Variants in EDIL3 observed in about 807,000 individuals in gnomAD.
EDIL3 encodes EGF like and discoidin domains 3.
Under a neutral mutation model 67.4 loss-of-function variants are expected in EDIL3, and 37 were observed. The ratio of observed to expected loss-of-function variants is 0.55; its 90% CI spans 0.42 to 0.72. The LOEUF is 0.72. EDIL3 is among the 30% of genes least tolerant of loss of function. The probability of loss-of-function intolerance (pLI) is 0.00; values close to 1 mark genes in which losing one functional copy is unlikely to be tolerated. For synonymous variants in EDIL3, 195 were observed against 196.3 expected (o/e 0.99, Z 0.05); for missense variants, 527 against 586.3 (o/e 0.90, Z 1.04).
intron 4 of EDIL3, among the ~76,000 whole-genome samples, chr5:84,142,002 A>T (rs926423965): frequency 3.1e-5 from 2 of 63,756 alleles, no homozygotes; most frequent in East Asian, 1.1e-3. Context: ...TATCTATCAT[A>T]TTGAGCACTC....
rs1014128628 is a variant in EDIL3, at chr5:84,245,262, A to T, written c.196+8822T>A. 9.2e-5 allele frequency among the ~76,000 whole-genome samples: 14 copies of T among 152,196 alleles called. No homozygotes were observed. The South Asian group carries it at 1.7e-3, about 18-fold the overall frequency. ...TAAAGGAGATATAATCACATTATTT[A>T]AAAAATATATTTGATAGGACAACAA... On this transcript the variant is annotated intron_variant, in intron 2 of 10. Coordinates refer to ENST00000296591, the MANE Select transcript of EDIL3 (RefSeq NM_005711.5).
At chr5:84,035,437 TGG>T (rs1256237045) in intron 9 of EDIL3, among the ~76,000 whole-genome samples, 4 of 152,284 alleles carry the variant, frequency 2.6e-5, no homozygotes, top group Non-Finnish European at 5.9e-5. Context: ...TTAAAAATAA[TGG>T]TGATCCCTTA....
At chr5:84,262,005 T>TA (rs1745231547) in intron 1 of EDIL3, among the ~76,000 whole-genome samples, 1 of 152,314 alleles carries the variant, frequency 6.6e-6, no homozygotes, top group Non-Finnish European at 1.5e-5. Context: ...GTCTACTGGA[T>TA]AAAAAGACAA....
intron 6 of EDIL3, among the ~76,000 whole-genome samples, chr5:84,084,448 A>C (rs1347369050): frequency 6.6e-6 from 1 of 152,198 alleles, no homozygotes; most frequent in East Asian, 1.9e-4. Flanking sequence ...CACTGACTAG[A>C]TTCATTCATA....
chr5:84,273,952 T>G (rs1745524380), intron 1 of EDIL3, among the ~76,000 whole-genome samples: 1 of 152,214 alleles, frequency 6.6e-6, no homozygotes, highest in African/African-American at 2.4e-5. Context: ...CATCTATGCC[T>G]TGTTGTCAAT....
chr5:84,188,080 GC>G (rs937430661), intron 3 of EDIL3, among the ~76,000 whole-genome samples: 1 of 151,510 alleles, frequency 6.6e-6, no homozygotes, highest in African/African-American at 2.4e-5. Flanking sequence ...GAGATTTCCC[GC>G]CCCCCCTTAA....
intron 6 of EDIL3, among the ~76,000 whole-genome samples, chr5:84,091,807 GC>G (rs1401383651): frequency 1.3e-5 from 2 of 152,202 alleles, no homozygotes; most frequent in Non-Finnish European, 2.9e-5. Flanking sequence ...CTTGCAAGAA[GC>G]CCTGATGCAG....
At chr5:84,255,978 C>T (rs1745115018) in intron 1 of EDIL3, among the ~76,000 whole-genome samples, 1 of 152,124 alleles carries the variant, frequency 6.6e-6, no homozygotes, top group Non-Finnish European at 1.5e-5. Flanking sequence ...GAGTGTCTAA[C>T]ATTTTTAACA....
chr5:84,032,925 G>A (rs1745954765), intron 9 of EDIL3, among the ~76,000 whole-genome samples: 3 of 152,186 alleles, frequency 2.0e-5, no homozygotes, highest in African/African-American at 7.2e-5. Flanking sequence ...ATCCAACAGT[G>A]CTCAGGGACT....
intron 6 of EDIL3, among the ~76,000 whole-genome samples, chr5:84,089,306 AT>A (rs140758735): frequency 2.0e-3 from 297 of 152,290 alleles, no homozygotes; most frequent in African/African-American, 7.0e-3. Flanking sequence ...CCTTATCAGG[AT>A]TTTTCTCCAA....
chr5:83,977,159 A>G (rs796198641), intron 9 of EDIL3, among the ~76,000 whole-genome samples: 13 of 151,990 alleles, frequency 8.6e-5, no homozygotes, highest in African/African-American at 3.1e-4. Flanking sequence ...ACAAGATAAG[A>G]ACAATTTTCA....
chr5:84,011,915 C>T (rs1370803229), intron 9 of EDIL3, among the ~76,000 whole-genome samples: 1 of 152,110 alleles, frequency 6.6e-6, no homozygotes, highest in African/African-American at 2.4e-5. Context: ...CTTTATGGCA[C>T]TTTTCACTAC....
chr5:83,948,556 T>G (rs1744354439), intron 10 of EDIL3, among the ~76,000 whole-genome samples: 1 of 151,718 alleles, frequency 6.6e-6, no homozygotes, highest in African/African-American at 2.4e-5. Context: ...CTAAAATTTA[T>G]GTTCTACTTT....
intron 9 of EDIL3, among the ~76,000 whole-genome samples, chr5:83,963,872 T>C (rs1482178433): frequency 1.3e-5 from 2 of 151,862 alleles, no homozygotes; most frequent in African/African-American, 4.8e-5. Context: ...CCTGTTTCCA[T>C]AAATTTTAAT....
rs941386943 is a variant in EDIL3, at chr5:84,188,856, C to T, written c.227-8335G>A. ...ACCAAATCTCCAGAGCCTCCAGAACCGTGAGAAAACAAATTTCTGTTGTTT... is the reference window on the plus strand; with the variant it reads ...ACCAAATCTCCAGAGCCTCCAGAACTGTGAGAAAACAAATTTCTGTTGTTT... On this transcript the variant is annotated intron_variant, in intron 3 of 10. Transcript: ENST00000296591. Among the ~76,000 whole-genome samples the T allele has an allele frequency of 1.2e-4, 19 of 152,040 alleles. No homozygotes were observed. In the East Asian group the frequency reaches 1.7e-3, roughly 14 times the overall value.
chr5:84,361,476 TATG>T (rs1423940652), intron 1 of EDIL3, among the ~76,000 whole-genome samples: 1 of 152,196 alleles, frequency 6.6e-6, no homozygotes, highest in East Asian at 1.9e-4. Flanking sequence ...TCAAAAAGAA[TATG>T]ATGATCATAG....
intron 2 of EDIL3, among the ~76,000 whole-genome samples, chr5:84,242,816 C>G (rs555593559): frequency 1.2e-5 from 1 of 85,918 alleles, no homozygotes; most frequent in African/African-American, 4.5e-5. Context: ...AAAAAAACTT[C>G]CAAAGAAATA....
Position 84,066,617 on chromosome 5 carries a change from G to A in EDIL3, c.652-11C>T, listed in dbSNP as rs577280814. 296 of 1,610,022 alleles carry A rather than the reference G, an allele frequency of 1.8e-4. No homozygotes were observed. The Admixed American group carries it at 3.0e-3, about 16-fold the overall frequency. On this transcript the variant is annotated splice_polypyrimidine_tract_variant and intron_variant, in intron 6 of 10. Coordinates refer to ENST00000296591, the MANE Select transcript of EDIL3 (RefSeq NM_005711.5). ...CCTTTGCAAATTTATCTGAAAAGACGAGCACAACCAACAATAATCTTATTG... is the reference window on the plus strand; with the variant it reads ...CCTTTGCAAATTTATCTGAAAAGACAAGCACAACCAACAATAATCTTATTG...
chr5:84,116,824 T>C (rs1435612081), intron 5 of EDIL3, among the ~76,000 whole-genome samples: 1 of 152,180 alleles, frequency 6.6e-6, no homozygotes, highest in Admixed American at 6.5e-5. Flanking sequence ...AATTTTATTA[T>C]AAACCTGTTG....
Sources: gnomAD v4.1 joint callset for allele counts (sites outside exome capture counted in the v4.1 genomes callset) on GRCh38, gnomAD v4.1.1 for gene constraint, MANE v1.5 for transcripts, NCBI Gene and HGNC (gene_info 2026-07-23, HGNC 2026-07-21) for gene names.